The following KCNN2 variants were observed in gnomAD, a reference collection of about 807,000 sequenced individuals.
KCNN2 encodes the protein potassium calcium-activated channel subfamily N member 2.
KCNN2 carries 24 observed loss-of-function variants against 55.5 expected under a neutral mutation model. That is an observed-to-expected ratio of 0.43 (90% CI 0.31 to 0.61). The LOEUF (loss-of-function observed/expected upper bound fraction) is 0.61. KCNN2 is among the 20% of genes least tolerant of loss of function. The pLI is 0.08. For synonymous variants in KCNN2, 431 were observed against 336.1 expected, an observed-to-expected ratio of 1.28 and a Z score of -3.09; for missense variants, 754 against 853.6, an observed-to-expected ratio of 0.88 and a Z score of 1.45.
chr5:114,493,462 A>G lies in KCNN2; in HGVS notation c.2078A>G (p.Asp693Gly). The change falls in exon 7 of 8, where the codon GAC becomes GGC. Residue 693 changes from aspartate to glycine, a missense_variant. Transcript: ENST00000673685. ...KLNDQANTLVDLAKTQNIMYD... is the reference protein window; with the variant it reads ...KLNDQANTLVGLAKTQNIMYD... ...AATGACCAAGCAAACACTTTGGTGG[A>G]CTTGGCAAAGGTAAGCCTGAGGTGC... 1 of 1,610,176 alleles carries G rather than the reference A, an allele frequency of 6.2e-7. No homozygotes were observed. Among genetic ancestry groups the G allele is most frequent in the Middle Eastern group, 1.7e-4 (1 of 6,048 alleles).
At chr5:114,130,044 A>G (rs916012245) in intron 1 of KCNN2, among the ~76,000 whole-genome samples, 1 of 152,198 alleles carries the variant, frequency 6.6e-6, no homozygotes, top group East Asian at 1.9e-4. Flanking sequence ...TTGCTTTAAG[A>G]CATAACCTCA....
intron 2 of KCNN2, among the ~76,000 whole-genome samples, chr5:114,267,193 C>G (rs1416333486): frequency 6.6e-6 from 1 of 152,130 alleles, no homozygotes; most frequent in East Asian, 1.9e-4. Context: ...CGGGGTTTCA[C>G]CATATTGGCC....
chr5:114,222,004 A>C (rs1170485337), intron 2 of KCNN2, among the ~76,000 whole-genome samples: 4 of 152,200 alleles, frequency 2.6e-5, no homozygotes, highest in Non-Finnish European at 4.4e-5. Flanking sequence ...CTAATTCACC[A>C]AGAAGTTGAG....
chr5:114,272,315 CATAT>C (rs776269209), intron 2 of KCNN2, among the ~76,000 whole-genome samples: 1 of 149,116 alleles, frequency 6.7e-6, no homozygotes, highest in Non-Finnish European at 1.5e-5. Context: ...CACACACACA[CATAT>C]ATGTATGTAC....
chr5:114,341,779 T>C (rs1757020030), intron 2 of KCNN2, among the ~76,000 whole-genome samples: 1 of 152,240 alleles, frequency 6.6e-6, no homozygotes, highest in Non-Finnish European at 1.5e-5. Context: ...CCTTAGGTTT[T>C]GGTTTTATGG....
chr5:114,146,759 A>G (rs1460906998), intron 1 of KCNN2, among the ~76,000 whole-genome samples: 1 of 152,210 alleles, frequency 6.6e-6, no homozygotes, highest in Non-Finnish European at 1.5e-5. Flanking sequence ...GACCTGAAGC[A>G]TTAGTATGAA....
chr5:114,135,781 T>C (rs145937303), intron 1 of KCNN2, among the ~76,000 whole-genome samples: 440 of 152,338 alleles, frequency 2.9e-3, no homozygotes, highest in African/African-American at 0.01. Context: ...AAATATGGAT[T>C]ATTAATATTC....
chr5:114,070,283 C>T (rs564148018), intron 1 of KCNN2, among the ~76,000 whole-genome samples: 1 of 152,322 alleles, frequency 6.6e-6, no homozygotes, highest in South Asian at 2.1e-4. Context: ...TCCTAACTCC[C>T]CAGGAGGGGG....
At chr5:114,060,406 C>T (rs1750301198) in intron 1 of KCNN2, among the ~76,000 whole-genome samples, 3 of 152,218 alleles carry the variant, frequency 2.0e-5, no homozygotes, top group Admixed American at 6.5e-5. Flanking sequence ...ACCTTAGTGC[C>T]TGGCACAGTG....
chr5:114,158,910 T>C (rs1278828151), intron 1 of KCNN2, among the ~76,000 whole-genome samples: 5 of 152,130 alleles, frequency 3.3e-5, no homozygotes, highest in South Asian at 2.1e-4. Flanking sequence ...TGGGCTGAGA[T>C]GATGGGGTTT....
intron 2 of KCNN2, among the ~76,000 whole-genome samples, chr5:114,382,011 T>G (rs1758139141): frequency 6.6e-6 from 1 of 152,214 alleles, no homozygotes; most frequent in Non-Finnish European, 1.5e-5. Flanking sequence ...TTCATGGATC[T>G]GGACAATTGT....
intron 1 of KCNN2, among the ~76,000 whole-genome samples, chr5:114,089,598 A>G (rs1228057207): frequency 1.3e-5 from 2 of 152,174 alleles, no homozygotes; most frequent in Non-Finnish European, 2.9e-5. Flanking sequence ...TAAATTCCAA[A>G]TTGCCAATTC....
At chr5:114,192,824 C>A (rs1753477598) in intron 1 of KCNN2, among the ~76,000 whole-genome samples, 1 of 152,098 alleles carries the variant, frequency 6.6e-6, no homozygotes, top group Non-Finnish European at 1.5e-5. Context: ...CTACAAAATC[C>A]TCTAAGCTTC....
intron 1 of KCNN2, among the ~76,000 whole-genome samples, chr5:114,135,188 C>T (rs1752150469): frequency 6.6e-6 from 1 of 151,880 alleles, no homozygotes; most frequent in Non-Finnish European, 1.5e-5. Context: ...CCAGAATGCT[C>T]AGGAATTGTT....
intron 5 of KCNN2, among the ~76,000 whole-genome samples, chr5:114,482,018 A>G (rs1762250109): frequency 6.6e-6 from 1 of 152,180 alleles, no homozygotes; most frequent in African/African-American, 2.4e-5. Context: ...GCAACAAGCA[A>G]AAATTGACAA....
intron 5 of KCNN2, among the ~76,000 whole-genome samples, chr5:114,479,648 A>G (rs997023389): frequency 6.6e-6 from 1 of 152,186 alleles, no homozygotes; most frequent in African/African-American, 2.4e-5. Context: ...CTCCTCAGCA[A>G]ATGCAAAAGA....
At chr5:114,388,583 A>C (rs1039877022) in intron 2 of KCNN2, among the ~76,000 whole-genome samples, 1 of 152,112 alleles carries the variant, frequency 6.6e-6, no homozygotes, top group African/African-American at 2.4e-5. Context: ...GTTTAGACTT[A>C]CTAGCATGGT....
chr5:114,374,805 C>A (rs138099858), intron 2 of KCNN2, among the ~76,000 whole-genome samples: 1 of 152,170 alleles, frequency 6.6e-6, no homozygotes, highest in Non-Finnish European at 1.5e-5. Flanking sequence ...TGATATTCTA[C>A]ATCAATAATG....
chr5:114,208,878 C>T (rs17136383), intron 1 of KCNN2, among the ~76,000 whole-genome samples: 4,462 of 152,234 alleles, frequency 0.029, 220 homozygotes, highest in African/African-American at 0.1. Flanking sequence ...AACATCTTCT[C>T]TCAACTACTA....
Sources: allele counts gnomAD v4.1 joint callset (sites outside exome capture counted in the v4.1 genomes callset), GRCh38; gene constraint gnomAD v4.1.1; transcripts MANE v1.5; gene names NCBI Gene and HGNC (gene_info 2026-07-23, HGNC 2026-07-21).